IGFN1: variants seen among roughly 807,000 people sequenced by gnomAD.
The protein encoded by IGFN1 is immunoglobulin-like and fibronectin type III domain-containing protein 1.
A neutral mutation model predicts 289.5 loss-of-function variants in IGFN1; 253 were observed. The observed-to-expected ratio is 0.87, with a 90% confidence interval of 0.79 to 0.97. IGFN1 has a LOEUF of 0.97. Ranked by LOEUF, IGFN1 falls within the 50% of genes least tolerant of loss-of-function variation. The pLI is 0.00. For synonymous variants in IGFN1, 1,706 were observed against 1,788.5 expected (o/e 0.95, Z 1.16); for missense variants, 4,470 against 4,686.1 (o/e 0.95, Z 1.35).
Position 201,210,741 on chromosome 1 carries a change from G to T in IGFN1, c.5848G>T (p.Gly1950Cys). Residue 1950 changes from glycine to cysteine, a missense_variant, in exon 12 of 24, where the codon GGT becomes TGT. Physicochemically the swap from Gly to Cys is radical, Grantham distance 159. Around this residue, in one of 8 missense-constraint regions of IGFN1, gnomAD observed 108 missense variants for 128.7 expected, o/e 0.84. Coordinates refer to ENST00000335211, the MANE Select transcript of IGFN1 (RefSeq NM_001164586.2). ...GGAAGGTTTCAGGGATGGTTTAGGG[G>T]GTTCTGAAGAAATGGGGTCAGTGAA... The part of the protein sequence containing the change: ...SKEGFRDGLG[G>C]SEEMGSVNKA... The T allele has an allele frequency of 6.6e-7, 1 of 1,521,920 alleles. No homozygotes were observed. The highest frequency in any genetic ancestry group is 8.8e-7 in the Non-Finnish European group (1 of 1,142,042). The allele number at this position is 1,521,920 out of a possible 1,614,324, so 94.3% of individuals were successfully genotyped here.
At position 201,203,732 on chromosome 1, in the gene IGFN1, C is replaced by T; in HGVS notation, c.748-6C>T. On this transcript the variant is annotated splice_region_variant and splice_polypyrimidine_tract_variant and intron_variant, in intron 9 of 23. Transcript: ENST00000335211. ...GGCCCGCCTCCTCTTCCTTTTCTGG[C>T]CTTAGGATGGTGAGATGATCCCCTA... 1.3e-6 allele frequency: 2 copies of T among 1,551,232 alleles called. No homozygotes were observed. The highest frequency in any genetic ancestry group is 1.7e-6 in the Non-Finnish European group (2 of 1,146,862).
intron 18 of IGFN1, among the ~76,000 whole-genome samples, chr1:201,219,980 TTCTG>T (rs150072575): frequency 0.29 from 43,053 of 149,922 alleles, 6,387 homozygotes; most frequent in South Asian, 0.4. Context: ...TCTTTCTTTT[TTCTG>T]TCTGTCTGTC....
intron 11 of IGFN1, among the ~76,000 whole-genome samples, chr1:201,205,648 A>G (rs1667380947): frequency 6.6e-6 from 1 of 152,182 alleles, no homozygotes; most frequent in Non-Finnish European, 1.5e-5. Flanking sequence ...CCTGCACCAG[A>G]CCAGAGAGCA....
At chr1:201,192,598 A>G (rs1446858251) in intron 1 of IGFN1, among the ~76,000 whole-genome samples, 4 of 152,216 alleles carry the variant, frequency 2.6e-5, no homozygotes, top group Non-Finnish European at 5.9e-5. Flanking sequence ...TGGGGATCCT[A>G]CAGGCCTGGG....
intron 15 of IGFN1, 42 bp from the exon 16 acceptor site, chr1:201,216,412 C>T: frequency 6.7e-7 from 1 of 1,490,572 alleles, no homozygotes; most frequent in Non-Finnish European, 8.9e-7. Flanking sequence ...CCTCCAGCTC[C>T]TCTGACCCCT....
chr1:201,202,959 G>A (rs943386104), intron 9 of IGFN1, among the ~76,000 whole-genome samples: 3 of 151,988 alleles, frequency 2.0e-5, no homozygotes, highest in Admixed American at 6.6e-5. Flanking sequence ...GTTTCACCAT[G>A]TTGGCCAGCT....
At chr1:201,195,803 CT>C in intron 3 of IGFN1, 35 bp from the exon 4 acceptor site, 1 of 1,540,724 alleles carries the variant, frequency 6.5e-7, no homozygotes, top group African/African-American at 1.4e-5. Context: ...CCTCTCCCAA[CT>C]TGTCAGTCTC....
intron 18 of IGFN1, among the ~76,000 whole-genome samples, chr1:201,219,600 C>T (rs950669373): frequency 6.6e-6 from 1 of 152,224 alleles, no homozygotes; most frequent in Non-Finnish European, 1.5e-5. Flanking sequence ...TATTTCTCAT[C>T]CCCTAATCAG....
chr1:201,222,586 T>C (rs1284449081), intron 19 of IGFN1, 153 bp from the exon 20 acceptor site: 13 of 552,054 alleles, frequency 2.4e-5, no homozygotes, highest in African/African-American at 3.8e-5. Context: ...CTCCCAGCTG[T>C]ACTCCAGTCC....
intron 10 of IGFN1, among the ~76,000 whole-genome samples, chr1:201,204,234 C>A (rs147784934): frequency 2.8e-3 from 426 of 152,278 alleles, no homozygotes; most frequent in African/African-American, 1.0e-2. Context: ...GCCTCTAGAA[C>A]TCCTTTCTGT....
chr1:201,211,890 G>A lies in IGFN1; in HGVS notation c.6997G>A (p.Gly2333Arg). The change falls in exon 12 of 24, where the codon GGG (glycine) becomes AGG (arginine). Residue 2333 changes from glycine (G) to arginine (R), a missense_variant. Physicochemically the swap from Gly to Arg is moderately radical, Grantham distance 125. Coordinates refer to ENST00000335211, the MANE Select transcript of IGFN1 (RefSeq NM_001164586.2). ...RQGFGGTSGM[G>R]SGSEVSYRGG... ...AGGCTTTGGGGGAACTAGTGGCATGGGGTCAGGGAGTGAGGTCAGTTATAG... is the reference window on the plus strand; with the variant it reads ...AGGCTTTGGGGGAACTAGTGGCATGAGGTCAGGGAGTGAGGTCAGTTATAG... 4 of 1,530,534 alleles carry A rather than the reference G, an allele frequency of 2.6e-6. No homozygotes were observed. Among genetic ancestry groups the A allele is most frequent in the Non-Finnish European group, 1.7e-6 (2 of 1,143,384 alleles). 94.8% of individuals were successfully genotyped at this position (1,530,534 alleles called of 1,614,324 possible). A position where few individuals can be genotyped will look rare whatever the true frequency, so the allele number is the denominator to read the frequency against.
rs1374063551 is a variant in IGFN1 at position 201,205,311 on chromosome 1, G to T, written c.1146G>T (p.Leu382=). Residue 382 remains leucine (L), a synonymous_variant, in exon 11 of 24, where the codon CTG becomes CTT. Transcript: ENST00000335211. Reference sequence around the variant, plus strand: ...TCTCAGACATGGGCCCCTATTCGCTGGGCACCGGGCTCTACACTTCCAGCG... The same window carrying T: ...TCTCAGACATGGGCCCCTATTCGCTTGGCACCGGGCTCTACACTTCCAGCG... ...ARFSDMGPYS[L]GTGLYTSSAW... is the part of the protein sequence containing the mutation. The T allele has an allele frequency of 6.5e-7, 1 of 1,549,374 alleles. No homozygotes were observed. The highest frequency in any genetic ancestry group is 1.4e-5 in the African/African-American group (1 of 73,142).
At chr1:201,220,071 TTTC>T (rs1443792492) in intron 18 of IGFN1, among the ~76,000 whole-genome samples, 2 of 137,954 alleles carry the variant, frequency 1.4e-5, no homozygotes, top group African/African-American at 5.4e-5. Flanking sequence ...TTTTTTTTCC[TTTC>T]TTTCTCTTTT....
In IGFN1 at chr1:201,207,217, C is replaced by T; in HGVS notation, c.2324C>T (p.Pro775Leu). 1 of 1,536,832 alleles carries T rather than the reference C, an allele frequency of 6.5e-7. No individual in the cohort carries two copies. Among genetic ancestry groups the T allele is most frequent in the Non-Finnish European group, 8.7e-7 (1 of 1,146,840 alleles). Residue 775 changes from proline (P) to leucine (L), a missense_variant, in exon 12 of 24, where the codon CCT (proline) becomes CTT (leucine). Physicochemically the swap from Pro to Leu is moderately conservative, Grantham distance 98. This residue lies in a region of IGFN1 where 2,011 missense variants were observed against 1,953.4 expected (regional missense o/e 1.03). Transcript: ENST00000335211. ...VVTGSAYKTG[P>L]GGPGDPRGCE... Reference sequence around the variant, plus strand: ...ACAGGAAGTGCCTACAAAACTGGCCCTGGAGGCCCAGGAGACCCCAGAGGC... The same window carrying T: ...ACAGGAAGTGCCTACAAAACTGGCCTTGGAGGCCCAGGAGACCCCAGAGGC...
At chr1:201,198,122 C>T (rs1433238910) in intron 5 of IGFN1, among the ~76,000 whole-genome samples, 1 of 152,106 alleles carries the variant, frequency 6.6e-6, no homozygotes, top group African/African-American at 2.4e-5. Flanking sequence ...GTCCATCTGC[C>T]TCTCTTATTT....
In IGFN1 at chr1:201,211,551, G is replaced by T; in HGVS notation, c.6658G>T (p.Ala2220Ser). The T allele has an allele frequency of 1.3e-6, 2 of 1,522,398 alleles. No individual in the cohort carries two copies. The highest frequency in any genetic ancestry group is 1.8e-6 in the Non-Finnish European group (2 of 1,138,892). The allele number at this position is 1,522,398 out of a possible 1,614,324, so 94.3% of individuals were successfully genotyped here. A position where few individuals can be genotyped will look rare whatever the true frequency, so the allele number is the denominator to read the frequency against. ...NKAGYRKDLG[A>S]PKGMGSGSKA... Reference sequence around the variant, plus strand: ...GGCAGGTTATAGGAAGGATTTGGGGGCTCCTAAGGGAATGGGTTCAGGGAG... The same window carrying T: ...GGCAGGTTATAGGAAGGATTTGGGGTCTCCTAAGGGAATGGGTTCAGGGAG... Residue 2220 changes from alanine (A) to serine (S), a missense_variant, in exon 12 of 24, where the codon GCT (alanine) becomes TCT (serine). Around this residue, in one of 8 missense-constraint regions of IGFN1, gnomAD observed 2,218 missense variants for 2,114.1 expected, o/e 1.05. Coordinates refer to ENST00000335211, the MANE Select transcript of IGFN1 (RefSeq NM_001164586.2).
At chr1:201,192,038 C>T (rs1217776546) in intron 1 of IGFN1, among the ~76,000 whole-genome samples, 1 of 152,214 alleles carries the variant, frequency 6.6e-6, no homozygotes, top group African/African-American at 2.4e-5. Context: ...CCAGCTGGGT[C>T]CTCATCCGTT....
At chr1:201,194,956 G>C (rs1219834640) in intron 3 of IGFN1, among the ~76,000 whole-genome samples, 1 of 152,138 alleles carries the variant, frequency 6.6e-6, no homozygotes, top group African/African-American at 2.4e-5. Context: ...GATGTTCCTG[G>C]TGGGAGGCTG....
Position 201,207,819 on chromosome 1 carries a change from G to A in IGFN1, c.2926G>A (p.Gly976Ser). The A allele has an allele frequency of 6.5e-7, 1 of 1,535,954 alleles. No homozygotes were observed. The highest frequency in any genetic ancestry group is 8.7e-7 in the Non-Finnish European group (1 of 1,146,188). ...SSKSGAGYSY[G>S]SGVPGEMGSG... ...TAAAAGCGGGGCTGGTTATAGCTAT[G>A]GCTCAGGGGTTCCAGGAGAAATGGG... Residue 976 changes from glycine to serine, a missense_variant, in exon 12 of 24, where the codon GGC becomes AGC. Gly to Ser is a moderately conservative substitution (Grantham distance 56). Coordinates refer to ENST00000335211, the MANE Select transcript of IGFN1 (RefSeq NM_001164586.2).
Sources: allele counts gnomAD v4.1 joint callset (sites outside exome capture counted in the v4.1 genomes callset), GRCh38; gene constraint gnomAD v4.1.1; regional missense constraint gnomAD v4.1.1; transcripts MANE v1.5; gene names NCBI Gene and HGNC (gene_info 2026-07-23, HGNC 2026-07-21).